The following SP4 variants were observed in gnomAD, a reference collection of about 807,000 sequenced individuals.
The protein encoded by SP4 is transcription factor Sp4.
SP4 carries 19 observed loss-of-function variants against 72.8 expected under a neutral mutation model. The ratio of observed to expected loss-of-function variants is 0.26; its 90% CI spans 0.18 to 0.38. The LOEUF (loss-of-function observed/expected upper bound fraction) is 0.38. SP4 is among the 10% of genes least tolerant of loss of function. SP4 has a pLI of 1.00. For synonymous variants in SP4, 395 were observed against 333.1 expected (o/e 1.19, Z -2.02); for missense variants, 1,008 against 926.3 (o/e 1.09, Z -1.14).
In SP4 at chr7:21,442,363, A is replaced by AAC. The variant is rs548037082; in HGVS notation, c.1678+11525_1678+11526dup. Among the ~76,000 whole-genome samples, 54 of 152,274 alleles carry AAC rather than the reference A, an allele frequency of 3.5e-4. No homozygotes were observed. The East Asian group carries it at 0.01, about 28-fold the overall frequency. ...GCCCATTTTAAATCTATAAAATTAA[A>AAC]ACACACCTTGTAATCAAAGGCATGT... On this transcript the variant is annotated intron_variant, in intron 3 of 5. Transcript: ENST00000222584.
intron 3 of SP4, among the ~76,000 whole-genome samples, chr7:21,468,334 TC>T (rs1296838787): frequency 2.0e-5 from 3 of 152,158 alleles, no homozygotes; most frequent in Non-Finnish European, 4.4e-5. Context: ...TGCATTCACT[TC>T]CTAGAATAAT....
intron 5 of SP4, among the ~76,000 whole-genome samples, chr7:21,504,407 A>G (rs1293235126): frequency 6.6e-6 from 1 of 152,200 alleles, no homozygotes; most frequent in African/African-American, 2.4e-5. Flanking sequence ...AAGACCATAT[A>G]ATTTACAGAT....
In SP4 at chr7:21,430,675, G is replaced by A. The variant is rs754331216; in HGVS notation, c.1510G>A (p.Gly504Ser). The A allele has an allele frequency of 6.2e-7, 1 of 1,614,224 alleles. No homozygotes were observed. Among genetic ancestry groups the A allele is most frequent in the South Asian group, 1.1e-5 (1 of 91,082 alleles). ...LTITPVSSSG[G>S]TTLAQIAPVA... ...CATCACCCCAGTGTCTTCAAGTGGTGGCACAACTCTTGCTCAGATTGCTCC... is the reference window on the plus strand; with the variant it reads ...CATCACCCCAGTGTCTTCAAGTGGTAGCACAACTCTTGCTCAGATTGCTCC... Residue 504 changes from glycine to serine, a missense_variant, in exon 3 of 6, where the codon GGC (glycine) becomes AGC (serine). Around this residue, in one of 3 missense-constraint regions of SP4, gnomAD observed 893 missense variants for 743.3 expected, o/e 1.20. Coordinates refer to ENST00000222584, the MANE Select transcript of SP4 (RefSeq NM_003112.5).
At chr7:21,480,937 T>C (rs79991320) in intron 4 of SP4, among the ~76,000 whole-genome samples, 148 of 152,358 alleles carry the variant, frequency 9.7e-4, no homozygotes, top group Middle Eastern at 3.4e-3. Context: ...TTCTGACTTA[T>C]GGCTTTTGAA....
intron 3 of SP4, among the ~76,000 whole-genome samples, chr7:21,466,195 CTTAT>C (rs951546850): frequency 1.8e-4 from 27 of 152,220 alleles, no homozygotes; most frequent in African/African-American, 6.5e-4. Context: ...CTGGTCAGAT[CTTAT>C]TTATCATTTC....
At chr7:21,484,490 T>A (rs1318889762) in intron 5 of SP4, among the ~76,000 whole-genome samples, 1 of 151,898 alleles carries the variant, frequency 6.6e-6, no homozygotes, top group Non-Finnish European at 1.5e-5. Flanking sequence ...AGCGTCGCAA[T>A]CCCTGAAAAA....
chr7:21,457,589 A>G (rs1044873728), intron 3 of SP4, among the ~76,000 whole-genome samples: 2 of 152,220 alleles, frequency 1.3e-5, no homozygotes, highest in African/African-American at 2.4e-5. Flanking sequence ...AGAATCATCT[A>G]GAGTAAGCAG....
chr7:21,482,032 T>C lies in SP4; in HGVS notation c.2016T>C (p.Thr672=). 6.2e-7 allele frequency: 1 copy of C among 1,613,980 alleles called. No homozygotes were observed. Among genetic ancestry groups the C allele is most frequent in the Non-Finnish European group, 8.5e-7 (1 of 1,179,852 alleles). Residue 672 remains threonine (T), a synonymous_variant, in exon 5 of 6, where the codon ACT becomes ACC. Transcript: ENST00000222584. ...TACGAGCACATCTTCGCTGGCATAC[T>C]GGAGAAAGACCTTTTATATGCAACT... ...SHLRAHLRWH[T]GERPFICNWM...
At position 21,505,896 on chromosome 7, in the gene SP4, T is replaced by A. The variant is rs182550115; in HGVS notation, c.2108-5126T>A. ...GGGATATTGTTCTCTGCAAACTACTTCTGGTTGTTTTAGGTTAATCTGTAA... is the reference window on the plus strand; with the variant it reads ...GGGATATTGTTCTCTGCAAACTACTACTGGTTGTTTTAGGTTAATCTGTAA... On this transcript the variant is annotated intron_variant, in intron 5 of 5. Coordinates refer to ENST00000222584, the MANE Select transcript of SP4 (RefSeq NM_003112.5). 4.6e-5 allele frequency among the ~76,000 whole-genome samples: 7 copies of A among 152,300 alleles called. No homozygotes were observed. The East Asian group carries it at 1.4e-3, about 29-fold the overall frequency.
rs568916718 is a variant in SP4 at position 21,478,851 on chromosome 7, C to T, written c.1907+1544C>T. Among the ~76,000 whole-genome samples the T allele has an allele frequency of 2.0e-5, 3 of 152,194 alleles. No individual in the cohort carries two copies. In the South Asian group the frequency reaches 6.2e-4, roughly 32 times the overall value. On this transcript the variant is annotated intron_variant, in intron 4 of 5. Coordinates refer to ENST00000222584, the MANE Select transcript of SP4 (RefSeq NM_003112.5). ...TCGGGAGGCCAAGGCAGGTGGATCA[C>T]CTGAGGTCAGGAGTTCAAGACCAGC...
rs182741644 is a variant in SP4, at chr7:21,431,424, C to T, written c.1678+581C>T. On this transcript the variant is annotated intron_variant, in intron 3 of 5. Transcript: ENST00000222584. ...GTAAATTGTTTGGTTAACTTTTATG[C>T]CTACTTTTATGCTACTATCAGGATT... 1.3e-3 allele frequency among the ~76,000 whole-genome samples: 202 copies of T among 152,206 alleles called. 1 individual carries two copies. In the Middle Eastern group the frequency reaches 0.017, roughly 13 times the overall value.
chr7:21,512,447 ATATAT>A lies in SP4; in HGVS notation c.*1182_*1186del, dbSNP rs1782173682. The A allele has an allele frequency of 6.6e-6, 1 of 152,134 alleles. No individual in the cohort carries two copies. The highest frequency in any genetic ancestry group is 1.5e-5 in the Non-Finnish European group (1 of 68,012). The allele number at this position is 152,134 out of a possible 1,614,324, so 9.4% of individuals were successfully genotyped here. A position where few individuals can be genotyped will look rare whatever the true frequency, so the allele number is the denominator to read the frequency against. On this transcript the variant is annotated 3_prime_UTR_variant, in exon 6 of 6. Transcript: ENST00000222584. ...TAAAAATTAGCCTAATATATAATAG[ATATAT>A]TATGAAGCAAAACTTTTATTTTTGA...
Position 21,482,223 on chromosome 7 carries a change from AAGG to A in SP4, c.2107+103_2107+105del, listed in dbSNP as rs1385883987. ...CTATCAAATTGGAAATATGCAAATG[AAGG>A]AGAAGGCATTTACTTTAGCAATTAT... On this transcript the variant is annotated intron_variant, in intron 5 of 5. Coordinates refer to ENST00000222584, the MANE Select transcript of SP4 (RefSeq NM_003112.5). 22 of 868,784 alleles carry A rather than the reference AAGG, an allele frequency of 2.5e-5. No homozygotes were observed. In the East Asian group the frequency reaches 2.8e-4, roughly 11 times the overall value. The allele number at this position is 868,784 out of a possible 1,614,324, so 53.8% of individuals were successfully genotyped here.
chr7:21,450,793 A>G (rs897774544), intron 3 of SP4, among the ~76,000 whole-genome samples: 1 of 152,248 alleles, frequency 6.6e-6, no homozygotes, highest in Non-Finnish European at 1.5e-5. Context: ...ACAGGTCTGC[A>G]GCAACCTCAG....
At chr7:21,446,823 CT>C (rs34433968) in intron 3 of SP4, among the ~76,000 whole-genome samples, 17 of 148,374 alleles carry the variant, frequency 1.1e-4, no homozygotes, top group African/African-American at 2.2e-4. Context: ...TTGACAAATT[CT>C]TTTTTTTTTT....
At chr7:21,485,020 A>G (rs192574411) in intron 5 of SP4, among the ~76,000 whole-genome samples, 1 of 152,044 alleles carries the variant, frequency 6.6e-6, no homozygotes, top group Admixed American at 6.5e-5. Flanking sequence ...TATATCACAC[A>G]TAAAATTGTT....
chr7:21,477,754 T>C (rs1784550246), intron 4 of SP4, among the ~76,000 whole-genome samples: 1 of 152,186 alleles, frequency 6.6e-6, no homozygotes, highest in African/African-American at 2.4e-5. Context: ...TGGGCCAGGC[T>C]GGTCTCGAAC....
intron 5 of SP4, among the ~76,000 whole-genome samples, chr7:21,491,704 C>T (rs1307050128): frequency 6.6e-6 from 1 of 152,144 alleles, no homozygotes; most frequent in African/African-American, 2.4e-5. Flanking sequence ...CGGATTTCTT[C>T]TTAGAAACTA....
At chr7:21,471,000 T>C (rs1784325528) in intron 3 of SP4, 2 of 519,558 alleles carry the variant, frequency 3.8e-6, no homozygotes, top group Non-Finnish European at 7.8e-6. Flanking sequence ...GAATAGACTT[T>C]TGTCAGACCA....
Sources: allele counts gnomAD v4.1 joint callset (sites outside exome capture counted in the v4.1 genomes callset), GRCh38; gene constraint gnomAD v4.1.1; regional missense constraint gnomAD v4.1.1; transcripts MANE v1.5; gene names NCBI Gene and HGNC (gene_info 2026-07-23, HGNC 2026-07-21).